The following PMEPA1 variants were observed in gnomAD, a reference collection of about 807,000 sequenced individuals.
PMEPA1 encodes the protein prostate transmembrane protein, androgen induced 1, also known as protein TMEPAI.
PMEPA1 carries 11 observed loss-of-function variants against 23.0 expected under a neutral mutation model. The ratio of observed to expected loss-of-function variants is 0.48; its 90% confidence interval spans 0.30 to 0.79. The LOEUF (loss-of-function observed/expected upper bound fraction) is 0.79. PMEPA1 is among the 30% of genes least tolerant of loss of function. The pLI, the probability that PMEPA1 is intolerant of heterozygous loss-of-function variation, is 0.06. For missense variants in PMEPA1, 377 were observed against 390.9 expected, an observed-to-expected ratio of 0.96 and a Z score of 0.30; for synonymous variants, 204 against 166.4, an observed-to-expected ratio of 1.23 and a Z score of -1.74.
At chr20:57,707,645 C>CTTTT (rs10709084) in intron 1 of PMEPA1, among the ~76,000 whole-genome samples, 1 of 137,202 alleles carries the variant, frequency 7.3e-6, no homozygotes, top group African/African-American at 2.7e-5. Context: ...AAGAACAATG[C>CTTTT]TTTTTTTTTT....
At chr20:57,659,399 G>C in intron 2 of PMEPA1, 144 bp downstream of exon 2, 1 of 811,820 alleles carries the variant, frequency 1.2e-6, no homozygotes. Context: ...GGAGGAAGCT[G>C]CTGTCAGGTG....
At chr20:57,668,591 G>A (rs944047237) in intron 1 of PMEPA1, among the ~76,000 whole-genome samples, 5 of 152,146 alleles carry the variant, frequency 3.3e-5, no homozygotes, top group East Asian at 3.9e-4. Flanking sequence ...CCGGTCCAGC[G>A]CCATCACTTA....
intron 1 of PMEPA1, among the ~76,000 whole-genome samples, chr20:57,668,946 T>G (rs1372913076): frequency 6.6e-6 from 1 of 151,964 alleles, no homozygotes; most frequent in East Asian, 1.9e-4. Context: ...AGGACCCCCA[T>G]CCCTGTGCCT....
upstream of PMEPA1, chr20:57,710,029 G>A (rs866366472): frequency 2.0e-6 from 2 of 996,830 alleles, no homozygotes; most frequent in Non-Finnish European, 2.4e-6. Context: ...AGCGCTAGAC[G>A]GGGCTGCCGG....
At position 57,648,607 on chromosome 20, in the gene PMEPA1, G is replaced by A. The variant is rs575998190; in HGVS notation, c.*3446C>T. The A allele has an allele frequency of 1.3e-4, 20 of 152,604 alleles. No homozygotes were observed. Among genetic ancestry groups the A allele is most frequent in the African/African-American group, 3.9e-4 (16 of 41,554 alleles). 9.5% of individuals were successfully genotyped at this position (152,604 alleles called of 1,614,324 possible). A position where few individuals can be genotyped will look rare whatever the true frequency, so the allele number is the denominator to read the frequency against. On this transcript the variant is annotated 3_prime_UTR_variant, in exon 4 of 4. Coordinates refer to ENST00000341744, the MANE Select transcript of PMEPA1 (RefSeq NM_020182.5). Reference sequence around the variant, plus strand: ...TTAACTTGAACAGAGCTTGGGAAATGGGGCTGCAAAGGAGAGCAGTTCCCA... The same window carrying A: ...TTAACTTGAACAGAGCTTGGGAAATAGGGCTGCAAAGGAGAGCAGTTCCCA...
chr20:57,704,935 G>T lies in PMEPA1; in HGVS notation c.109+4539C>A, dbSNP rs569338182. 3.9e-5 allele frequency among the ~76,000 whole-genome samples: 6 copies of T among 152,202 alleles called. No individual in the cohort carries two copies. Among genetic ancestry groups the T allele is most frequent in the Middle Eastern group, 3.2e-3 (1 of 316 alleles). ...CTCCCGACGGCCTCCCTTCTCCTGG[G>T]CAGCGGCACACAGGGGTCCACCTTC... On this transcript the variant is annotated intron_variant, in intron 1 of 3. Transcript: ENST00000341744. The surrounding 1 kb of genome is among the most constrained non-coding windows in gnomAD (Gnocchi z 4.6).
rs972209372 is a variant in PMEPA1, at chr20:57,651,154, A to T, written c.*899T>A. 1 of 152,210 alleles carries T rather than the reference A, an allele frequency of 6.6e-6. No homozygotes were observed. The highest frequency in any genetic ancestry group is 2.4e-5 in the African/African-American group (1 of 41,444). 9.4% of individuals were successfully genotyped at this position (152,210 alleles called of 1,614,324 possible). ...GGTTAACTTTCCTATTTTGCTTGTG[A>T]TTTAAAGGCTGTTCTGGGTCAGGGG... On this transcript the variant is annotated 3_prime_UTR_variant, in exon 4 of 4. Transcript: ENST00000341744.
At chr20:57,676,711 T>G (rs949259316) in intron 1 of PMEPA1, among the ~76,000 whole-genome samples, 2 of 152,154 alleles carry the variant, frequency 1.3e-5, no homozygotes, top group Non-Finnish European at 2.9e-5. Context: ...GGAGAGCCAC[T>G]GGGAGCTGGA....
chr20:57,706,100 G>A (rs2072082154), intron 1 of PMEPA1, among the ~76,000 whole-genome samples: 1 of 152,206 alleles, frequency 6.6e-6, no homozygotes, highest in African/African-American at 2.4e-5. Flanking sequence ...GCCAGTGGGT[G>A]ATGTTAAAAA....
intron 1 of PMEPA1, among the ~76,000 whole-genome samples, chr20:57,670,934 G>A (rs1013902477): frequency 5.3e-5 from 8 of 151,080 alleles, no homozygotes; most frequent in Admixed American, 3.9e-4. Flanking sequence ...CCAGTGTCCC[G>A]AGTCATCACA....
chr20:57,670,639 C>T (rs919085791), intron 1 of PMEPA1, among the ~76,000 whole-genome samples: 1 of 152,204 alleles, frequency 6.6e-6, no homozygotes, highest in African/African-American at 2.4e-5. Flanking sequence ...ATGGTCTGAG[C>T]CTGTCAGGCT....
At position 57,649,008 on chromosome 20, in the gene PMEPA1, T is replaced by C. The variant is rs1332726086; in HGVS notation, c.*3045A>G. 1 of 152,050 alleles carries C rather than the reference T, an allele frequency of 6.6e-6. No homozygotes were observed. The highest frequency in any genetic ancestry group is 1.9e-4 in the East Asian group (1 of 5,166). The allele number at this position is 152,050 out of a possible 1,614,324, so 9.4% of individuals were successfully genotyped here. ...TTCTTAGCACAATTTGTGAAATCTG[T>C]GTAGAACCGGGCTTTGCAGGGGAGA... On this transcript the variant is annotated 3_prime_UTR_variant, in exon 4 of 4. Transcript: ENST00000341744.
chr20:57,681,017 G>A (rs995566123), intron 1 of PMEPA1, among the ~76,000 whole-genome samples: 1 of 150,974 alleles, frequency 6.6e-6, no homozygotes, highest in Admixed American at 6.6e-5. Context: ...AAGGAGTTCT[G>A]AGAATGTCAA....
At chr20:57,675,367 G>A (rs866118152) in intron 1 of PMEPA1, among the ~76,000 whole-genome samples, 2 of 152,122 alleles carry the variant, frequency 1.3e-5, no homozygotes, top group African/African-American at 2.4e-5. Flanking sequence ...CACCTCCTCC[G>A]ACCTCTTGGA....
intron 1 of PMEPA1, among the ~76,000 whole-genome samples, chr20:57,666,650 G>A (rs117574642): frequency 0.021 from 3,131 of 152,288 alleles, 52 homozygotes; most frequent in Middle Eastern, 0.034. Flanking sequence ...CTGGCGTGTC[G>A]CCCCCAACGC....
At chr20:57,706,119 CCACCGTAGATA>C (rs779875537) in intron 1 of PMEPA1, among the ~76,000 whole-genome samples, 1 of 152,172 alleles carries the variant, frequency 6.6e-6, no homozygotes, top group Non-Finnish European at 1.5e-5. Context: ...AAGACAGCTG[CCACCGTAGATA>C]CCACCAGAGA....
intron 2 of PMEPA1, among the ~76,000 whole-genome samples, chr20:57,653,944 T>C (rs1048608672): frequency 3.3e-5 from 5 of 152,142 alleles, no homozygotes; most frequent in African/African-American, 1.2e-4. Context: ...TCATTACTGA[T>C]GTCCCAGTTC....
chr20:57,650,667 G>C lies in PMEPA1; in HGVS notation c.*1386C>G, dbSNP rs1259008952. The C allele has an allele frequency of 6.6e-6, 1 of 152,264 alleles. No homozygotes were observed. Among genetic ancestry groups the C allele is most frequent in the African/African-American group, 2.4e-5 (1 of 41,452 alleles). 9.4% of individuals were successfully genotyped at this position (152,264 alleles called of 1,614,324 possible). On this transcript the variant is annotated 3_prime_UTR_variant, in exon 4 of 4. Transcript: ENST00000341744. ...GGGAAGAGAAGGTGAAGAATTCTGCGCCCGAAGCTCGGGTTGGTGTTTGCT... is the reference window on the plus strand; with the variant it reads ...GGGAAGAGAAGGTGAAGAATTCTGCCCCCGAAGCTCGGGTTGGTGTTTGCT...
chr20:57,702,831 A>C (rs1331868870), intron 1 of PMEPA1, among the ~76,000 whole-genome samples: 8 of 152,212 alleles, frequency 5.3e-5, no homozygotes, highest in Non-Finnish European at 1.2e-4. Context: ...TAATCTCTTC[A>C]CATTCAACTA....
Sources: allele counts gnomAD v4.1 joint callset (sites outside exome capture counted in the v4.1 genomes callset), GRCh38; gene constraint gnomAD v4.1.1; non-coding constraint Gnocchi (gnomAD v3.1); transcripts MANE v1.5; gene names NCBI Gene and HGNC (gene_info 2026-07-23, HGNC 2026-07-21).